The following PCDH15 variants were observed in gnomAD, a reference collection of about 807,000 sequenced individuals.
PCDH15 encodes protocadherin-15.
In PCDH15, 129 loss-of-function variants were observed where a neutral mutation model predicts 178.5. The ratio of observed to expected loss-of-function variants is 0.72; its 90% CI spans 0.63 to 0.84. The LOEUF is 0.84. PCDH15 is among the 40% of genes least tolerant of loss of function. The pLI, the probability that PCDH15 is intolerant of heterozygous loss-of-function variation, is 0.00. For missense variants in PCDH15, 2,230 were observed against 2,099.9 expected, an observed-to-expected ratio of 1.06 and a Z score of -1.21; for synonymous variants, 800 against 732.0, an observed-to-expected ratio of 1.09 and a Z score of -1.50.
intron 18 of PCDH15, among the ~76,000 whole-genome samples, chr10:54,037,552 T>G (rs2093443713): frequency 1.1e-5 from 1 of 90,642 alleles, no homozygotes; most frequent in Non-Finnish European, 3.3e-5. Context: ...TCAGACACAA[T>G]GCTAATTGCA....
At chr10:55,396,778 A>G (rs1344429368) in intron 2 of PCDH15, among the ~76,000 whole-genome samples, 1 of 152,182 alleles carries the variant, frequency 6.6e-6, no homozygotes, top group Admixed American at 6.6e-5. Context: ...AAAATGGAGT[A>G]TAGCAAAAAC....
intron 2 of PCDH15, among the ~76,000 whole-genome samples, chr10:55,041,559 T>A (rs1423293233): frequency 2.0e-5 from 3 of 152,142 alleles, no homozygotes; most frequent in African/African-American, 7.2e-5. Flanking sequence ...CATTTTTTTT[T>A]CTTGGAGTGT....
intron 1 of PCDH15, among the ~76,000 whole-genome samples, chr10:54,697,565 C>T (rs1339609470): frequency 3.5e-5 from 5 of 144,742 alleles, no homozygotes; most frequent in Non-Finnish European, 7.5e-5. Context: ...TAGTTAACCT[C>T]TGCAGAAATG....
intron 13 of PCDH15, among the ~76,000 whole-genome samples, chr10:54,178,364 G>T (rs908115582): frequency 6.6e-6 from 1 of 152,022 alleles, no homozygotes; most frequent in Non-Finnish European, 1.5e-5. Context: ...CATTTTTGTC[G>T]ATAAGGAAAA....
intron 8 of PCDH15, among the ~76,000 whole-genome samples, chr10:54,311,043 G>C (rs2060872176): frequency 6.6e-6 from 1 of 152,026 alleles, no homozygotes. Flanking sequence ...CGGAGGGAGA[G>C]GGTTTCATAG....
intron 3 of PCDH15, among the ~76,000 whole-genome samples, chr10:54,481,235 A>G (rs1267027480): frequency 2.0e-5 from 3 of 151,890 alleles, no homozygotes; most frequent in African/African-American, 7.2e-5. Flanking sequence ...TTTGTTTCAC[A>G]AAAATTCTTA....
chr10:54,566,743 T>C (rs2089101982), intron 2 of PCDH15, among the ~76,000 whole-genome samples: 1 of 152,202 alleles, frequency 6.6e-6, no homozygotes, highest in Non-Finnish European at 1.5e-5. Context: ...ATTCACTTAC[T>C]GTAGACCCTC....
chr10:53,927,149 AGT>A lies in PCDH15; in HGVS notation c.3373+11664_3373+11665del, dbSNP rs59045951. On this transcript the variant is annotated intron_variant, in intron 25 of 37. Transcript: ENST00000644397. ...GAAGTTTTGTTTATATGTAAATGCA[AGT>A]GTGTGTGTGTGTGTGTGTGTGAATG... Among the ~76,000 whole-genome samples the A allele has an allele frequency of 5.2e-3, 785 of 149,772 alleles. 5 individuals carry two copies. Among genetic ancestry groups the A allele is most frequent in the African/African-American group, 9.9e-3 (405 of 40,932 alleles).
At chr10:55,405,283 G>T (rs866340313) in intron 2 of PCDH15, among the ~76,000 whole-genome samples, 23 of 108,074 alleles carry the variant, frequency 2.1e-4, no homozygotes, top group Non-Finnish European at 3.0e-4. Context: ...TGAGGTAACA[G>T]ATATATATAT....
At chr10:54,594,655 A>G (rs1590349601) in intron 2 of PCDH15, among the ~76,000 whole-genome samples, 1 of 152,108 alleles carries the variant, frequency 6.6e-6, no homozygotes. Flanking sequence ...ATCCCCATAC[A>G]TCTCTTTGCC....
chr10:54,205,481 T>TTGTGTGTGTGTGTGTGTGTG (rs71461223), intron 10 of PCDH15, among the ~76,000 whole-genome samples: 2,586 of 135,110 alleles, frequency 0.019, 54 homozygotes, highest in Middle Eastern at 0.04. Flanking sequence ...TATATTTCCT[T>TTGTGTGTGTGTGTGTGTGTG]TGTGTGTGTG....
chr10:55,445,192 C>G (rs1249516550), intron 2 of PCDH15, among the ~76,000 whole-genome samples: 1 of 152,064 alleles, frequency 6.6e-6, no homozygotes, highest in Non-Finnish European at 1.5e-5. Context: ...TCTGCTTTTT[C>G]TTTCTTCAGT....
At chr10:54,060,068 T>C (rs763538831) in intron 18 of PCDH15, among the ~76,000 whole-genome samples, 5 of 152,214 alleles carry the variant, frequency 3.3e-5, no homozygotes, top group Non-Finnish European at 4.4e-5. Flanking sequence ...TAATAACAAA[T>C]ATCTTTCATT....
intron 26 of PCDH15, among the ~76,000 whole-genome samples, chr10:53,878,602 A>G (rs1477832894): frequency 6.7e-6 from 1 of 150,260 alleles, no homozygotes; most frequent in East Asian, 1.9e-4. Context: ...AGGTGTTCTT[A>G]TCTCTACTAG....
chr10:55,126,944 G>T (rs568511042), intron 2 of PCDH15, among the ~76,000 whole-genome samples: 1 of 151,946 alleles, frequency 6.6e-6, no homozygotes, highest in East Asian at 1.9e-4. Context: ...TGATAAAAAG[G>T]CCATACTCTC....
chr10:55,040,348 T>G (rs1392580519), intron 2 of PCDH15, among the ~76,000 whole-genome samples: 1 of 152,072 alleles, frequency 6.6e-6, no homozygotes, highest in Non-Finnish European at 1.5e-5. Context: ...TCCTGGTTGT[T>G]CTAATGGGGT....
intron 3 of PCDH15, among the ~76,000 whole-genome samples, chr10:54,833,713 T>C (rs886215273): frequency 2.0e-5 from 3 of 152,204 alleles, no homozygotes; most frequent in Non-Finnish European, 4.4e-5. Flanking sequence ...ATCTACTTTA[T>C]TGGCTCTGTT....
chr10:55,091,039 C>G (rs1333233442), intron 2 of PCDH15, among the ~76,000 whole-genome samples: 1 of 151,652 alleles, frequency 6.6e-6, no homozygotes, highest in Admixed American at 6.6e-5. Flanking sequence ...TTTATTTTTT[C>G]TACTATTGTT....
intron 1 of PCDH15, among the ~76,000 whole-genome samples, chr10:54,785,216 G>T (rs1950743853): frequency 6.7e-6 from 1 of 148,374 alleles, no homozygotes; most frequent in African/African-American, 2.5e-5. Flanking sequence ...TTGGTGATCA[G>T]AAAAAAAAAA....
Sources: gnomAD v4.1 joint callset for allele counts (sites outside exome capture counted in the v4.1 genomes callset) on GRCh38, gnomAD v4.1.1 for gene constraint, MANE v1.5 for transcripts, NCBI Gene and HGNC (gene_info 2026-07-23, HGNC 2026-07-21) for gene names.